The following MVB12B variants were observed in gnomAD, a reference collection of about 807,000 sequenced individuals.
MVB12B encodes the protein multivesicular body subunit 12B.
Under a neutral mutation model 41.6 loss-of-function variants are expected in MVB12B, and 16 were observed. The observed-to-expected ratio is 0.38, with a 90% confidence interval of 0.26 to 0.58. MVB12B has a LOEUF of 0.58. Ranked by LOEUF, MVB12B falls within the 20% of genes least tolerant of loss-of-function variation. MVB12B has a pLI of 0.62. For synonymous variants in MVB12B, 133 were observed against 139.7 expected, an observed-to-expected ratio of 0.95 and a Z score of 0.34; for missense variants, 274 against 380.2, an observed-to-expected ratio of 0.72 and a Z score of 2.32.
At chr9:126,477,072 T>C (rs1833437379) in intron 7 of MVB12B, among the ~76,000 whole-genome samples, 1 of 152,072 alleles carries the variant, frequency 6.6e-6, no homozygotes, top group Non-Finnish European at 1.5e-5. Flanking sequence ...TGTGCAGGAA[T>C]CATGGCACTG....
At chr9:126,448,217 C>T (rs1832826931) in intron 7 of MVB12B, 1 of 153,062 alleles carries the variant, frequency 6.5e-6, no homozygotes, top group Admixed American at 6.5e-5. Context: ...CTCCTGTACA[C>T]CCTGAGCTAT....
At chr9:126,341,700 A>G (rs1324165942) in intron 2 of MVB12B, among the ~76,000 whole-genome samples, 1 of 152,220 alleles carries the variant, frequency 6.6e-6, no homozygotes, top group Non-Finnish European at 1.5e-5. Context: ...GCATCGTATG[A>G]TGTTTAGCAG....
chr9:126,433,538 C>T (rs1052704381), intron 7 of MVB12B, among the ~76,000 whole-genome samples: 3 of 152,138 alleles, frequency 2.0e-5, no homozygotes, highest in South Asian at 4.1e-4. Flanking sequence ...TTCTCCCCTA[C>T]TCTAGCTCTC....
At chr9:126,421,451 C>T (rs1329091444) in intron 6 of MVB12B, among the ~76,000 whole-genome samples, 1 of 152,214 alleles carries the variant, frequency 6.6e-6, no homozygotes, top group East Asian at 1.9e-4. Flanking sequence ...GGAATGGAAG[C>T]ATTTGCATGG....
In MVB12B at chr9:126,450,726, A is replaced by G. The variant is rs570641429; in HGVS notation, c.757+28778A>G. On this transcript the variant is annotated intron_variant, in intron 7 of 9. Coordinates refer to ENST00000361171, the MANE Select transcript of MVB12B (RefSeq NM_033446.3). ...GTGTCGATATAATTAATCCCAGTTA[A>G]TAGATGCAGAAACCAAGGCATAGAG... Among the ~76,000 whole-genome samples the G allele has an allele frequency of 1.6e-4, 25 of 152,344 alleles. 1 individual carries two copies. Among genetic ancestry groups the G allele is most frequent in the African/African-American group, 6.0e-4 (25 of 41,586 alleles).
intron 7 of MVB12B, among the ~76,000 whole-genome samples, chr9:126,447,267 CTTTCTA>C (rs1306262316): frequency 1.4e-5 from 2 of 144,652 alleles, no homozygotes; most frequent in Non-Finnish European, 3.0e-5. Flanking sequence ...TTTTTTTTAA[CTTTCTA>C]TTTATTTTAG....
In MVB12B at chr9:126,486,328, C is replaced by T. The variant is rs1833618388; in HGVS notation, c.873+2296C>T. On this transcript the variant is annotated intron_variant, in intron 9 of 9. Transcript: ENST00000361171. The surrounding 1 kb of genome is among the most constrained non-coding windows in gnomAD (Gnocchi z 4.7). ...CACCTGCTTATGGACAGCCCATTTG[C>T]ATGGGGCCCTGCGTGTGGTGCAGCC... 6.6e-6 allele frequency among the ~76,000 whole-genome samples: 1 copy of T among 152,174 alleles called. No homozygotes were observed. The highest frequency in any genetic ancestry group is 6.5e-5 in the Admixed American group (1 of 15,282).
intron 7 of MVB12B, among the ~76,000 whole-genome samples, chr9:126,462,147 C>G (rs184205130): frequency 2.0e-5 from 3 of 152,286 alleles, no homozygotes; most frequent in East Asian, 1.9e-4. Context: ...TCGATAGATA[C>G]AAGAGTAATT....
chr9:126,441,612 G>A (rs1034382740), intron 7 of MVB12B, among the ~76,000 whole-genome samples: 8 of 152,156 alleles, frequency 5.3e-5, no homozygotes, highest in East Asian at 1.9e-4. Flanking sequence ...ATGAAAATCC[G>A]CAATTTGCAT....
At chr9:126,482,775 C>T (rs1833552307) in intron 8 of MVB12B, among the ~76,000 whole-genome samples, 1 of 152,034 alleles carries the variant, frequency 6.6e-6, no homozygotes, top group South Asian at 2.1e-4. Context: ...CAAGATCGCC[C>T]TCGCGAATGT....
At chr9:126,372,282 T>C (rs2118929799) in intron 2 of MVB12B, among the ~76,000 whole-genome samples, 1 of 152,364 alleles carries the variant, frequency 6.6e-6, no homozygotes, top group South Asian at 2.1e-4. Context: ...AGTTGATGAA[T>C]GTTTGGATTA....
At chr9:126,354,384 T>A (rs1484618066) in intron 2 of MVB12B, among the ~76,000 whole-genome samples, 2 of 152,242 alleles carry the variant, frequency 1.3e-5, no homozygotes, top group Non-Finnish European at 2.9e-5. Context: ...TCTTTATGAT[T>A]GTTATGATTT....
At chr9:126,383,448 G>T (rs368061855) in intron 3 of MVB12B, among the ~76,000 whole-genome samples, 1 of 152,154 alleles carries the variant, frequency 6.6e-6, no homozygotes, top group East Asian at 1.9e-4. Flanking sequence ...AATGTACATA[G>T]ATTAGGTAGG....
Position 126,473,590 on chromosome 9 carries a change from T to C in MVB12B, c.758-7779T>C, listed in dbSNP as rs118032151. Among the ~76,000 whole-genome samples the C allele has an allele frequency of 3.8e-3, 572 of 152,188 alleles. 9 individuals carry two copies. In the East Asian group the frequency reaches 0.045, roughly 12 times the overall value. Reference sequence around the variant, plus strand: ...CACATGGCCAGAGCAGGAACAAGAATGCCAGAGCAGGAACAAGAAAGCCAA... The same window carrying C: ...CACATGGCCAGAGCAGGAACAAGAACGCCAGAGCAGGAACAAGAAAGCCAA... On this transcript the variant is annotated intron_variant, in intron 7 of 9. Transcript: ENST00000361171. The surrounding 1 kb of genome is among the most constrained non-coding windows in gnomAD (Gnocchi z 4.0).
At chr9:126,375,134 T>C (rs1830443547) in intron 2 of MVB12B, among the ~76,000 whole-genome samples, 1 of 152,218 alleles carries the variant, frequency 6.6e-6, no homozygotes, top group Non-Finnish European at 1.5e-5. Context: ...CATTAGGCAG[T>C]ATCACAATTT....
intron 7 of MVB12B, among the ~76,000 whole-genome samples, chr9:126,424,889 C>T (rs79415353): frequency 0.043 from 6,519 of 152,294 alleles, 238 homozygotes; most frequent in Non-Finnish European, 0.058. Context: ...CAAGGATAAG[C>T]ACCGCCACTT....
Position 126,340,052 on chromosome 9 carries a change from C to T in MVB12B, c.82-456C>T, listed in dbSNP as rs187985771. Among the ~76,000 whole-genome samples the T allele has an allele frequency of 1.9e-3, 283 of 152,298 alleles. 3 individuals carry two copies. Among genetic ancestry groups the T allele is most frequent in the South Asian group, 0.017 (81 of 4,826 alleles). On this transcript the variant is annotated intron_variant, in intron 1 of 9. Coordinates refer to ENST00000361171, the MANE Select transcript of MVB12B (RefSeq NM_033446.3). This position sits in a 1 kb window ranked among gnomAD's most constrained non-coding sequence, Gnocchi z 4.0. ...ACATTCCTTGCTTCTTTGCAAAGCT[C>T]TGCGTGCTGAAGGCCTAACCTTGGC...
chr9:126,339,401 A>T (rs1688184995), intron 1 of MVB12B, among the ~76,000 whole-genome samples: 1 of 152,114 alleles, frequency 6.6e-6, no homozygotes, highest in South Asian at 2.1e-4. Context: ...GTGGAATTTG[A>T]CTTGCTCTTT....
chr9:126,384,092 C>A (rs1351240769), intron 3 of MVB12B, among the ~76,000 whole-genome samples: 1 of 152,020 alleles, frequency 6.6e-6, no homozygotes, highest in African/African-American at 2.4e-5. Context: ...GGAAAAGCAA[C>A]TGCCATGAAA....
Sources: allele counts gnomAD v4.1 joint callset (sites outside exome capture counted in the v4.1 genomes callset), GRCh38; gene constraint gnomAD v4.1.1; non-coding constraint Gnocchi (gnomAD v3.1); transcripts MANE v1.5; gene names NCBI Gene and HGNC (gene_info 2026-07-23, HGNC 2026-07-21).